Variants in OXSR1 observed in about 807,000 individuals in gnomAD.
OXSR1 encodes serine/threonine-protein kinase OSR1.
A neutral mutation model predicts 79.8 loss-of-function variants in OXSR1; 24 were observed. That is an observed-to-expected ratio of 0.30 (90% CI 0.22 to 0.42). The LOEUF (loss-of-function observed/expected upper bound fraction) is 0.42, where lower values mean the gene tolerates loss of function less well. Among genes scored for constraint, OXSR1 ranks in the 10% least tolerant of loss-of-function variants. The probability of loss-of-function intolerance (pLI) is 1.00; values close to 1 mark genes in which losing one functional copy is unlikely to be tolerated. For synonymous variants in OXSR1, 226 were observed against 209.2 expected (o/e 1.08, Z -0.69); for missense variants, 430 against 618.4 (o/e 0.70, Z 3.23).
At chr3:38,234,225 G>A (rs1285183280) in intron 10 of OXSR1, among the ~76,000 whole-genome samples, 1 of 152,114 alleles carries the variant, frequency 6.6e-6, no homozygotes, top group Admixed American at 6.5e-5. Context: ...AAAAATACAA[G>A]CAATAAAAGG....
In OXSR1 at chr3:38,224,647, A is replaced by G; in HGVS notation, c.779A>G (p.Tyr260Cys). The change falls in exon 8 of 18, where the codon TAT (tyrosine) becomes TGT (cysteine). Residue 260 changes from tyrosine to cysteine, a missense_variant. By Grantham distance (194) the Tyr-to-Cys change is radical. Coordinates refer to ENST00000311806, the MANE Select transcript of OXSR1 (RefSeq NM_005109.3). ...GVQDKEMLKK[Y>C]GKSFRKMISL... ...CAAGATAAAGAAATGCTGAAAAAAT[A>G]TGGAAAATCATTTAGAAAAATGATT... The G allele has an allele frequency of 2.5e-6, 4 of 1,594,816 alleles. No homozygotes were observed. Among genetic ancestry groups the G allele is most frequent in the Non-Finnish European group, 3.4e-6 (4 of 1,168,658 alleles).
chr3:38,165,643 G>C lies in OXSR1; in HGVS notation c.-234G>C, dbSNP rs770039743. 7.7e-6 allele frequency: 4 copies of C among 518,116 alleles called. No homozygotes were observed. The highest frequency in any genetic ancestry group is 1.0e-5 in the Non-Finnish European group (3 of 294,830). The allele number at this position is 518,116 out of a possible 1,614,324, so 32.1% of individuals were successfully genotyped here. On this transcript the variant is annotated 5_prime_UTR_variant, in exon 1 of 18. Coordinates refer to ENST00000311806, the MANE Select transcript of OXSR1 (RefSeq NM_005109.3). ...CCGAGGACAGGACGTGGGCTGGGCC[G>C]GGCAGTGCCGGACTCGGAGGAGCAG...
chr3:38,200,095 A>G (rs990026162), intron 4 of OXSR1, among the ~76,000 whole-genome samples: 13 of 152,148 alleles, frequency 8.5e-5, no homozygotes, highest in Non-Finnish European at 1.9e-4. Context: ...GCTGTACTGC[A>G]TATGGGGGAG....
intron 4 of OXSR1, among the ~76,000 whole-genome samples, chr3:38,211,861 C>T (rs1193671174): frequency 6.6e-6 from 1 of 152,078 alleles, no homozygotes; most frequent in Non-Finnish European, 1.5e-5. Context: ...CTAATTTATC[C>T]AGCATCTCTT....
chr3:38,200,475 C>T (rs1056776617), intron 4 of OXSR1, among the ~76,000 whole-genome samples: 1 of 152,074 alleles, frequency 6.6e-6, no homozygotes, highest in Non-Finnish European at 1.5e-5. Context: ...TTTCTCCTTT[C>T]AGAGTTCTTT....
At chr3:38,246,416 A>G (rs1311945801) in intron 13 of OXSR1, among the ~76,000 whole-genome samples, 195 bp downstream of exon 13, 1 of 152,236 alleles carries the variant, frequency 6.6e-6, no homozygotes, top group East Asian at 1.9e-4. Context: ...GTTTTTAAGC[A>G]ACAGAATAAG....
chr3:38,219,802 A>G (rs543006964), intron 5 of OXSR1, among the ~76,000 whole-genome samples: 5 of 151,806 alleles, frequency 3.3e-5, no homozygotes, highest in African/African-American at 1.2e-4. Flanking sequence ...GATGATGATG[A>G]TGATGATGAT....
At chr3:38,174,166 G>T (rs1701635600) in intron 1 of OXSR1, among the ~76,000 whole-genome samples, 1 of 152,222 alleles carries the variant, frequency 6.6e-6, no homozygotes, top group Non-Finnish European at 1.5e-5. Context: ...AGGTGGTATG[G>T]ATGCTTGGTC....
chr3:38,194,459 G>A (rs1452039123), intron 3 of OXSR1, among the ~76,000 whole-genome samples: 1 of 152,138 alleles, frequency 6.6e-6, no homozygotes, highest in Non-Finnish European at 1.5e-5. Flanking sequence ...GATAGCTTGA[G>A]GCCAGGAGTT....
At chr3:38,238,005 C>G (rs1487441791) in intron 11 of OXSR1, among the ~76,000 whole-genome samples, 1 of 152,100 alleles carries the variant, frequency 6.6e-6, no homozygotes, top group African/African-American at 2.4e-5. Context: ...TTTCTTCTGA[C>G]TAACAAATAT....
At chr3:38,216,009 A>T in intron 4 of OXSR1, 87 bp from the exon 5 acceptor site, 1 of 767,148 alleles carries the variant, frequency 1.3e-6, no homozygotes, top group Non-Finnish European at 2.2e-6. Context: ...TGCTAGTATT[A>T]CATGAATATA....
At chr3:38,247,591 T>G (rs928215982) in intron 13 of OXSR1, 77 bp from the exon 14 acceptor site, 1 of 1,003,718 alleles carries the variant, frequency 1.0e-6, no homozygotes, top group African/African-American at 1.6e-5. Context: ...AGTAAATGAT[T>G]CCTCTGCCAG....
At chr3:38,178,422 T>C (rs909113483) in intron 1 of OXSR1, among the ~76,000 whole-genome samples, 5 of 152,066 alleles carry the variant, frequency 3.3e-5, no homozygotes, top group East Asian at 3.9e-4. Context: ...TATATAGTTA[T>C]ATGTGTAAAT....
chr3:38,193,062 A>C (rs1702011420), intron 3 of OXSR1, among the ~76,000 whole-genome samples: 1 of 152,182 alleles, frequency 6.6e-6, no homozygotes, highest in South Asian at 2.1e-4. Context: ...AAACTCTTTC[A>C]GCTCTTTGAA....
At chr3:38,250,936 G>T (rs1373593073) in intron 15 of OXSR1, among the ~76,000 whole-genome samples, 1 of 151,982 alleles carries the variant, frequency 6.6e-6, no homozygotes, top group Admixed American at 6.6e-5. Flanking sequence ...TTTAGTTTCT[G>T]GTTATACCCA....
intron 2 of OXSR1, among the ~76,000 whole-genome samples, chr3:38,187,768 T>C (rs1174535934): frequency 6.6e-6 from 1 of 152,126 alleles, no homozygotes; most frequent in African/African-American, 2.4e-5. Context: ...ATTTTTTAAA[T>C]AGAGGCGGAG....
At position 38,254,610 on chromosome 3, in the gene OXSR1, A is replaced by G. The variant is rs1703324103; in HGVS notation, c.*1719A>G. 5.2e-6 allele frequency: 1 copy of G among 191,900 alleles called. No individual in the cohort carries two copies. Among genetic ancestry groups the G allele is most frequent in the Non-Finnish European group, 1.1e-5 (1 of 94,406 alleles). 11.9% of individuals were successfully genotyped at this position (191,900 alleles called of 1,614,324 possible). ...AGCTTTTCTTTTTCTTTTTTTGTGG[A>G]GGGGGGACGGAGAGGAACAAGGATG... On this transcript the variant is annotated 3_prime_UTR_variant, in exon 18 of 18. Coordinates refer to ENST00000311806, the MANE Select transcript of OXSR1 (RefSeq NM_005109.3).
At chr3:38,250,044 A>T (rs761127707) in intron 15 of OXSR1, 26 bp downstream of exon 15, 1 of 1,403,564 alleles carries the variant, frequency 7.1e-7, no homozygotes, top group Admixed American at 1.7e-5. Flanking sequence ...GATTGAAAAC[A>T]AAATAGCTTC....
At chr3:38,192,746 G>A (rs1702006765) in intron 3 of OXSR1, among the ~76,000 whole-genome samples, 1 of 152,196 alleles carries the variant, frequency 6.6e-6, no homozygotes, top group Non-Finnish European at 1.5e-5. Context: ...TGGTAAATTA[G>A]TCATTTTGCC....
Sources: gnomAD v4.1 joint callset for allele counts (sites outside exome capture counted in the v4.1 genomes callset) on GRCh38, gnomAD v4.1.1 for gene constraint, MANE v1.5 for transcripts, NCBI Gene and HGNC (gene_info 2026-07-23, HGNC 2026-07-21) for gene names.